Variants in PPP2R2B observed in about 807,000 individuals in gnomAD.
PPP2R2B encodes the protein serine/threonine-protein phosphatase 2A 55 kDa regulatory subunit B beta isoform.
Under a neutral mutation model 46.0 loss-of-function variants are expected in PPP2R2B, and 5 were observed. The observed-to-expected ratio is 0.11, with a 90% CI of 0.06 to 0.23. The LOEUF (loss-of-function observed/expected upper bound fraction) is 0.23, where lower values mean the gene tolerates loss of function less well. PPP2R2B is among the 10% of genes least tolerant of loss of function. The pLI is 1.00. For synonymous variants in PPP2R2B, 215 were observed against 206.7 expected, an observed-to-expected ratio of 1.04 and a Z score of -0.34; for missense variants, 367 against 575.0, an observed-to-expected ratio of 0.64 and a Z score of 3.70.
At chr5:146,771,786 A>C (rs2151271007) in intron 2 of PPP2R2B, among the ~76,000 whole-genome samples, 1 of 152,306 alleles carries the variant, frequency 6.6e-6, no homozygotes. Flanking sequence ...TGCAGTTAAA[A>C]GAGGGCATGT....
chr5:146,964,444 T>G (rs938546379), intron 1 of PPP2R2B, among the ~76,000 whole-genome samples: 1 of 152,104 alleles, frequency 6.6e-6, no homozygotes, highest in Non-Finnish European at 1.5e-5. Context: ...TTAGGATATT[T>G]TTTTTATCTT....
intron 1 of PPP2R2B, among the ~76,000 whole-genome samples, chr5:146,899,795 T>A (rs1347343579): frequency 6.6e-6 from 1 of 152,190 alleles, no homozygotes; most frequent in African/African-American, 2.4e-5. Context: ...TATTTCCCAA[T>A]TGAATAACAG....
intron 1 of PPP2R2B, among the ~76,000 whole-genome samples, chr5:146,994,861 T>C (rs1753855218): frequency 6.6e-6 from 1 of 152,188 alleles, no homozygotes; most frequent in South Asian, 2.1e-4. Context: ...CTTGCTCTTA[T>C]GGATTTTATT....
intron 1 of PPP2R2B, among the ~76,000 whole-genome samples, chr5:146,953,633 GAAGTT>G (rs1481552851): frequency 2.0e-5 from 3 of 152,134 alleles, no homozygotes; most frequent in African/African-American, 7.2e-5. Flanking sequence ...ACCAAGTGAA[GAAGTT>G]AATATGGCAA....
chr5:147,066,009 TC>T (rs1757404873), intron 2 of PPP2R2B, among the ~76,000 whole-genome samples: 1 of 152,138 alleles, frequency 6.6e-6, no homozygotes, highest in African/African-American at 2.4e-5. Flanking sequence ...AATAACAGGT[TC>T]CTGATTCGGG....
At chr5:146,866,707 C>G (rs916413856) in intron 2 of PPP2R2B, among the ~76,000 whole-genome samples, 1 of 152,032 alleles carries the variant, frequency 6.6e-6, no homozygotes, top group Non-Finnish European at 1.5e-5. Context: ...ACCATAGATA[C>G]ATAATACATA....
At chr5:147,037,581 A>T (rs1362381238) in intron 1 of PPP2R2B, among the ~76,000 whole-genome samples, 1 of 152,084 alleles carries the variant, frequency 6.6e-6, no homozygotes, top group Non-Finnish European at 1.5e-5. Flanking sequence ...ATGTGTGTGT[A>T]AAAGTATGTG....
At chr5:147,023,119 T>C (rs1755363759) in intron 1 of PPP2R2B, among the ~76,000 whole-genome samples, 1 of 152,162 alleles carries the variant, frequency 6.6e-6, no homozygotes. Flanking sequence ...TTTAGACACA[T>C]ATGTATACAT....
intron 2 of PPP2R2B, among the ~76,000 whole-genome samples, chr5:146,821,504 C>A (rs1044689361): frequency 6.6e-6 from 1 of 152,196 alleles, no homozygotes; most frequent in Non-Finnish European, 1.5e-5. Flanking sequence ...GGTTTGCTAG[C>A]CCTGCCTCTA....
intron 1 of PPP2R2B, among the ~76,000 whole-genome samples, chr5:146,986,765 A>G (rs1257867807): frequency 6.6e-6 from 1 of 152,228 alleles, no homozygotes; most frequent in African/African-American, 2.4e-5. Flanking sequence ...TATGAGCTAT[A>G]TAAGATAGTA....
chr5:146,838,248 G>T (rs186783780), intron 2 of PPP2R2B, among the ~76,000 whole-genome samples: 48 of 152,270 alleles, frequency 3.2e-4, no homozygotes, highest in African/African-American at 1.2e-3. Flanking sequence ...GTGAAATACA[G>T]GGTGGTTAGG....
chr5:147,063,438 G>A (rs1311580062), intron 2 of PPP2R2B, among the ~76,000 whole-genome samples: 3 of 152,178 alleles, frequency 2.0e-5, no homozygotes, highest in African/African-American at 7.2e-5. Flanking sequence ...TTTGGGCTAT[G>A]CACTTATTAG....
At chr5:146,779,365 C>T (rs1485594717) in intron 2 of PPP2R2B, among the ~76,000 whole-genome samples, 1 of 152,150 alleles carries the variant, frequency 6.6e-6, no homozygotes, top group Non-Finnish European at 1.5e-5. Context: ...GATTTCCTAT[C>T]ATAAGATCTG....
At chr5:146,780,017 A>G (rs1755413998) in intron 2 of PPP2R2B, among the ~76,000 whole-genome samples, 1 of 152,192 alleles carries the variant, frequency 6.6e-6, no homozygotes, top group African/African-American at 2.4e-5. Context: ...AGCTCAAACT[A>G]AGTGTTTTTA....
intron 2 of PPP2R2B, among the ~76,000 whole-genome samples, chr5:147,066,403 C>G (rs1165388837): frequency 6.6e-6 from 1 of 152,108 alleles, no homozygotes; most frequent in Non-Finnish European, 1.5e-5. Context: ...ATTATTATCC[C>G]TATGTTACAG....
At chr5:146,941,008 G>C (rs536683183) in intron 1 of PPP2R2B, among the ~76,000 whole-genome samples, 1 of 152,126 alleles carries the variant, frequency 6.6e-6, no homozygotes, top group Non-Finnish European at 1.5e-5. Flanking sequence ...GGTGCATTTA[G>C]AGCCTCGATT....
At chr5:147,037,938 G>A (rs1486435657) in intron 1 of PPP2R2B, among the ~76,000 whole-genome samples, 1 of 152,160 alleles carries the variant, frequency 6.6e-6, no homozygotes, top group African/African-American at 2.4e-5. Context: ...CCTAATAAAT[G>A]TTTGTTGAGG....
chr5:146,619,210 T>TA (rs1773468129), intron 7 of PPP2R2B, among the ~76,000 whole-genome samples: 1 of 150,028 alleles, frequency 6.7e-6, no homozygotes, highest in Non-Finnish European at 1.5e-5. Flanking sequence ...TGTGGCAAAC[T>TA]AGAGTGTCCA....
intron 2 of PPP2R2B, among the ~76,000 whole-genome samples, chr5:147,074,418 G>T (rs754388126): frequency 5.9e-5 from 9 of 152,094 alleles, no homozygotes; most frequent in Non-Finnish European, 1.3e-4. Context: ...GGCAAGTAGG[G>T]CTCCATTTTC....
Sources: gnomAD v4.1 joint callset for allele counts (sites outside exome capture counted in the v4.1 genomes callset) on GRCh38, gnomAD v4.1.1 for gene constraint, MANE v1.5 for transcripts, NCBI Gene and HGNC (gene_info 2026-07-23, HGNC 2026-07-21) for gene names.